Variants in CREB3L2 observed in about 807,000 individuals in gnomAD.
The protein encoded by CREB3L2 is cyclic AMP-responsive element-binding protein 3-like protein 2.
Under a neutral mutation model 57.2 loss-of-function variants are expected in CREB3L2, and 23 were observed. The observed-to-expected ratio is 0.40, with a 90% CI of 0.29 to 0.57. CREB3L2 has a LOEUF of 0.57. Ranked by LOEUF, CREB3L2 falls within the 20% of genes least tolerant of loss-of-function variation. The pLI is 0.42. For missense variants in CREB3L2, 628 were observed against 634.7 expected (o/e 0.99, Z 0.11); for synonymous variants, 268 against 265.1 (o/e 1.01, Z -0.11).
chr7:137,955,122 C>T (rs1400476453), intron 1 of CREB3L2: 7 of 408,560 alleles, frequency 1.7e-5, no homozygotes, highest in Non-Finnish European at 3.5e-5. Flanking sequence ...CTCTTGACCC[C>T]TAATTCTCAC....
At chr7:137,934,127 T>C (rs1034222657) in intron 1 of CREB3L2, among the ~76,000 whole-genome samples, 7 of 152,228 alleles carry the variant, frequency 4.6e-5, no homozygotes, top group Admixed American at 3.9e-4. Flanking sequence ...TACAAAATAA[T>C]TTCATAACCT....
At chr7:137,958,330 G>T (rs1045474492) in intron 1 of CREB3L2, among the ~76,000 whole-genome samples, 9 of 152,070 alleles carry the variant, frequency 5.9e-5, no homozygotes, top group African/African-American at 2.2e-4. Context: ...CTACTGTCTT[G>T]GGAGAAATAT....
At chr7:137,934,382 T>G (rs1800733927) in intron 1 of CREB3L2, among the ~76,000 whole-genome samples, 1 of 152,198 alleles carries the variant, frequency 6.6e-6, no homozygotes, top group Non-Finnish European at 1.5e-5. Context: ...CAGGATTAGG[T>G]GCTAGACTTG....
At chr7:137,983,850 G>A (rs77436745) in intron 1 of CREB3L2, among the ~76,000 whole-genome samples, 1,981 of 152,248 alleles carry the variant, frequency 0.013, 51 homozygotes, top group African/African-American at 0.045. Flanking sequence ...ACTCAGGGGC[G>A]GCCCAGTCAT....
chr7:137,882,086 G>C (rs139015299), intron 11 of CREB3L2, among the ~76,000 whole-genome samples: 145 of 152,314 alleles, frequency 9.5e-4, no homozygotes, highest in African/African-American at 3.3e-3. Flanking sequence ...TGGTTACCTG[G>C]GCTGTGCATT....
chr7:137,945,187 G>A (rs570507732), intron 1 of CREB3L2, among the ~76,000 whole-genome samples: 10 of 152,320 alleles, frequency 6.6e-5, no homozygotes, highest in East Asian at 5.8e-4. Flanking sequence ...GAGCCACCAC[G>A]CCCAGCCAAA....
intron 1 of CREB3L2, chr7:137,956,668 A>G (rs1440687091): frequency 7.9e-7 from 1 of 1,272,928 alleles, no homozygotes. Context: ...GAAACAGCAC[A>G]ATTTAACAAT....
At chr7:137,955,374 T>C (rs755360073) in intron 1 of CREB3L2, 4 of 1,180,734 alleles carry the variant, frequency 3.4e-6, no homozygotes, top group Non-Finnish European at 4.5e-6. Context: ...AAGATGGCAG[T>C]CTTATGATTA....
At chr7:137,949,975 C>T (rs1801066316) in intron 1 of CREB3L2, among the ~76,000 whole-genome samples, 1 of 152,068 alleles carries the variant, frequency 6.6e-6, no homozygotes, top group Admixed American at 6.5e-5. Context: ...AGGGAAGTGG[C>T]TAAGTATATT....
intron 1 of CREB3L2, among the ~76,000 whole-genome samples, chr7:137,991,908 A>C (rs559069721): frequency 0.051 from 677 of 13,166 alleles, 3 homozygotes; most frequent in African/African-American, 0.11. Flanking sequence ...ACTCTGCCTC[A>C]AAAAAAAAAA....
intron 1 of CREB3L2, among the ~76,000 whole-genome samples, chr7:137,998,080 C>A (rs1802019043): frequency 6.6e-6 from 1 of 152,204 alleles, no homozygotes; most frequent in African/African-American, 2.4e-5. Context: ...TTTAGCAATT[C>A]AGGATCTAAT....
intron 8 of CREB3L2, among the ~76,000 whole-genome samples, chr7:137,899,742 A>G (rs1799713759): frequency 6.6e-6 from 1 of 152,216 alleles, no homozygotes; most frequent in African/African-American, 2.4e-5. Flanking sequence ...CCTGACTGCT[A>G]TCTGAGCACA....
intron 1 of CREB3L2, among the ~76,000 whole-genome samples, chr7:137,947,087 G>GCTCT (rs10677518): frequency 3.0e-5 from 4 of 132,458 alleles, no homozygotes; most frequent in Admixed American, 8.6e-5. Context: ...AAGCCCTAGC[G>GCTCT]CTCTCTCTCT....
intron 1 of CREB3L2, among the ~76,000 whole-genome samples, chr7:137,979,570 A>G (rs1228638488): frequency 6.6e-6 from 1 of 152,020 alleles, no homozygotes; most frequent in Non-Finnish European, 1.5e-5. Flanking sequence ...CTAAAAATAC[A>G]AAAAAATTAG....
At position 137,906,372 on chromosome 7, in the gene CREB3L2, C is replaced by T. The variant is rs1275828756; in HGVS notation, c.769-524G>A. On this transcript the variant is annotated intron_variant, in intron 5 of 11. Transcript: ENST00000330387. The stretch of plus-strand genomic sequence containing the variant: ...CTCTTTCCACAGAAGCCTCTGGCTT[C>T]AGCAGTCTCAGAATGTCCATCAACA... 2.0e-5 allele frequency among the ~76,000 whole-genome samples: 3 copies of T among 152,202 alleles called. No individual in the cohort carries two copies. In the East Asian group the frequency reaches 5.8e-4, roughly 29 times the overall value.
intron 1 of CREB3L2, among the ~76,000 whole-genome samples, chr7:137,991,500 G>A (rs537119089): frequency 6.6e-5 from 10 of 152,164 alleles, no homozygotes; most frequent in African/African-American, 2.2e-4. Flanking sequence ...TTCAGTGGTA[G>A]GGGCATAACA....
Position 137,882,464 on chromosome 7 carries a change from A to G in CREB3L2, c.1435T>C (p.Ser479Pro), listed in dbSNP as rs1799315903. The change falls in exon 11 of 12, where the codon TCG becomes CCG. Residue 479 changes from serine to proline, a missense_variant. This residue lies in a region of CREB3L2 where 272 missense variants were observed against 242.7 expected (regional missense o/e 1.12). Coordinates refer to ENST00000330387, the MANE Select transcript of CREB3L2 (RefSeq NM_194071.4). Reference sequence around the variant, plus strand: ...GACTTCTCCAGGCTGGTCTCATTCGAGATAATGAAATGGGGAAGATCCACA... The same window carrying G: ...GACTTCTCCAGGCTGGTCTCATTCGGGATAATGAAATGGGGAAGATCCACA... ...PDVDLPHFII[S>P]NETSLEKSVL... 6.2e-7 allele frequency: 1 copy of G among 1,613,946 alleles called. No homozygotes were observed. The highest frequency in any genetic ancestry group is 1.7e-5 in the Admixed American group (1 of 60,010).
At position 137,908,455 on chromosome 7, in the gene CREB3L2, A is replaced by T. The variant is rs1799938640; in HGVS notation, c.584-19T>A. ...ACTGGGGCTGCAAAAAAGGAAGCAC[A>T]TCTCATCCATCCCAGAGCCACAAAG... On this transcript the variant is annotated intron_variant, in intron 4 of 11. Coordinates refer to ENST00000330387, the MANE Select transcript of CREB3L2 (RefSeq NM_194071.4). 1 of 1,254,846 alleles carries T rather than the reference A, an allele frequency of 8.0e-7. No homozygotes were observed. Among genetic ancestry groups the T allele is most frequent in the African/African-American group, 1.5e-5 (1 of 64,518 alleles). The allele number at this position is 1,254,846 out of a possible 1,614,324, so 77.7% of individuals were successfully genotyped here. A position where few individuals can be genotyped will look rare whatever the true frequency, so the allele number is the denominator to read the frequency against.
Position 137,879,168 on chromosome 7 carries a change from T to TTA in CREB3L2, c.*1307_*1308insTA, listed in dbSNP as rs1554492219. ...AAACTACAAAAGTTACTTTTAACCA[T>TTA]AAAAAAAAAACAAAAAAACTAAAAG... On this transcript the variant is annotated 3_prime_UTR_variant, in exon 12 of 12. Coordinates refer to ENST00000330387, the MANE Select transcript of CREB3L2 (RefSeq NM_194071.4). The TTA allele has an allele frequency of 8.7e-6, 3 of 345,756 alleles. No homozygotes were observed. The highest frequency in any genetic ancestry group is 6.3e-5 in the African/African-American group (3 of 47,270). The allele number at this position is 345,756 out of a possible 1,614,324, so 21.4% of individuals were successfully genotyped here.
Sources: gnomAD v4.1 joint callset for allele counts (sites outside exome capture counted in the v4.1 genomes callset) on GRCh38, gnomAD v4.1.1 for gene constraint, gnomAD v4.1.1 regional missense constraint, MANE v1.5 for transcripts, NCBI Gene and HGNC (gene_info 2026-07-23, HGNC 2026-07-21) for gene names.